The following ZNF626 variants were observed in gnomAD, a reference collection of about 807,000 sequenced individuals.
The protein encoded by ZNF626 is CTC-513N18.7.
Under a neutral mutation model 11.7 loss-of-function variants are expected in ZNF626, and 4 were observed. That is an observed-to-expected ratio of 0.34 (90% CI 0.17 to 0.78). ZNF626 has a LOEUF of 0.78. Among genes scored for constraint, ZNF626 ranks in the 30% least tolerant of loss-of-function variants. The pLI is 0.57. For missense variants in ZNF626, 588 were observed against 587.1 expected, an observed-to-expected ratio of 1.00 and a Z score of -0.01; for synonymous variants, 179 against 198.6, an observed-to-expected ratio of 0.90 and a Z score of 0.83.
chr19:20,633,706 A>T (rs1382869034), intron 3 of ZNF626, among the ~76,000 whole-genome samples: 1 of 152,146 alleles, frequency 6.6e-6, no homozygotes, highest in African/African-American at 2.4e-5. Context: ...TTCTTTGACT[A>T]GGAAAGGGAA....
chr19:20,657,004 A>G (rs1406408955), intron 1 of ZNF626, among the ~76,000 whole-genome samples: 2 of 152,250 alleles, frequency 1.3e-5, no homozygotes, highest in African/African-American at 2.4e-5. Flanking sequence ...ATGCATGTTC[A>G]TTGCAGCACT....
At chr19:20,639,258 T>C (rs1220392621) in intron 3 of ZNF626, among the ~76,000 whole-genome samples, 4 of 152,046 alleles carry the variant, frequency 2.6e-5, no homozygotes, top group African/African-American at 9.6e-5. Context: ...CACCAGGTCC[T>C]ACATCCAACA....
chr19:20,659,800 G>GTC (rs1970244347), intron 1 of ZNF626, among the ~76,000 whole-genome samples: 1 of 151,768 alleles, frequency 6.6e-6, no homozygotes, highest in African/African-American at 2.4e-5. Context: ...TTCATTACCA[G>GTC]TAAGACCCTC....
At chr19:20,640,336 T>C (rs901751586) in intron 3 of ZNF626, among the ~76,000 whole-genome samples, 5 of 116,988 alleles carry the variant, frequency 4.3e-5, no homozygotes, top group Admixed American at 2.5e-4. Flanking sequence ...GAAAAAGACA[T>C]GACACTGGTT....
At position 20,625,439 on chromosome 19, in the gene ZNF626, T is replaced by G. The variant is rs782015259; in HGVS notation, c.438A>C (p.Gln146His). Residue 146 changes from glutamine to histidine, a missense_variant, in exon 4 of 4, where the codon CAA (glutamine) becomes CAC (histidine). Coordinates refer to ENST00000601440, the MANE Select transcript of ZNF626 (RefSeq NM_001076675.3). ...CLTTTPRKICQCDKYVKVLHQ... is the reference protein window; with the variant it reads ...CLTTTPRKICHCDKYVKVLHQ... ...GAAGGACTTTCACATATTTATCACATTGACATATTTTTCTTGGGGTAGTTG... is the reference window on the plus strand; with the variant it reads ...GAAGGACTTTCACATATTTATCACAGTGACATATTTTTCTTGGGGTAGTTG... 1.9e-6 allele frequency: 3 copies of G among 1,614,000 alleles called. No homozygotes were observed. Among genetic ancestry groups the G allele is most frequent in the Non-Finnish European group, 2.5e-6 (3 of 1,180,004 alleles).
intron 1 of ZNF626, among the ~76,000 whole-genome samples, chr19:20,656,075 T>C (rs1308893001): frequency 6.6e-6 from 1 of 152,086 alleles, no homozygotes; most frequent in Admixed American, 6.6e-5. Flanking sequence ...GAGAGAAAGA[T>C]ATATGAAATC....
intron 3 of ZNF626, among the ~76,000 whole-genome samples, chr19:20,635,618 GC>G (rs1969957870): frequency 6.6e-6 from 1 of 152,100 alleles, no homozygotes; most frequent in Non-Finnish European, 1.5e-5. Context: ...ACCGCGCCCA[GC>G]CTAGAAAATT....
chr19:20,629,819 A>C (rs1969882668), intron 3 of ZNF626, among the ~76,000 whole-genome samples: 4 of 152,118 alleles, frequency 2.6e-5, no homozygotes, highest in South Asian at 4.2e-4. Context: ...CACTATGTTG[A>C]ATAGGAGTGG....
chr19:20,627,132 A>T (rs568516686), intron 3 of ZNF626, among the ~76,000 whole-genome samples: 1 of 152,092 alleles, frequency 6.6e-6, no homozygotes, highest in African/African-American at 2.4e-5. Context: ...AAAAACAAAA[A>T]TTGTGGATAT....
chr19:20,623,852 A>G lies in ZNF626; in HGVS notation c.*438T>C. 1 of 316,652 alleles carries G rather than the reference A, an allele frequency of 3.2e-6. No homozygotes were observed. The allele number at this position is 316,652 out of a possible 1,614,324, so 19.6% of individuals were successfully genotyped here. On this transcript the variant is annotated 3_prime_UTR_variant, in exon 4 of 4. Transcript: ENST00000601440. ...TGTTATATGCTTTGCCACATTCTTCACACTTGTAGGGTTTCTTTCCAGTAT... is the reference window on the plus strand; with the variant it reads ...TGTTATATGCTTTGCCACATTCTTCGCACTTGTAGGGTTTCTTTCCAGTAT...
chr19:20,642,893 C>A (rs1970038244), intron 3 of ZNF626, among the ~76,000 whole-genome samples: 1 of 151,956 alleles, frequency 6.6e-6, no homozygotes, highest in Admixed American at 6.6e-5. Flanking sequence ...TGCCTGTAAT[C>A]CCAGCTACTT....
chr19:20,659,217 G>A (rs1970237489), intron 1 of ZNF626, among the ~76,000 whole-genome samples: 1 of 152,054 alleles, frequency 6.6e-6, no homozygotes, highest in Non-Finnish European at 1.5e-5. Flanking sequence ...AAGAAATTCA[G>A]CTGAATTTGT....
At chr19:20,636,123 A>C (rs1969962844) in intron 3 of ZNF626, among the ~76,000 whole-genome samples, 1 of 152,170 alleles carries the variant, frequency 6.6e-6, no homozygotes, top group Non-Finnish European at 1.5e-5. Context: ...CAAGAGTGAA[A>C]TTCCCTCTCA....
At chr19:20,647,406 GA>G (rs1248730643) in intron 1 of ZNF626, among the ~76,000 whole-genome samples, 27 of 149,702 alleles carry the variant, frequency 1.8e-4, no homozygotes, top group African/African-American at 4.6e-4. Context: ...ACTCTATAGT[GA>G]AAAAAATATG....
chr19:20,630,082 T>C (rs1171674410), intron 3 of ZNF626, among the ~76,000 whole-genome samples: 3 of 152,200 alleles, frequency 2.0e-5, no homozygotes, highest in African/African-American at 7.2e-5. Flanking sequence ...GGAGTATGTT[T>C]ATTGATTTGC....
At chr19:20,648,207 T>C (rs1970104921) in intron 1 of ZNF626, among the ~76,000 whole-genome samples, 1 of 151,198 alleles carries the variant, frequency 6.6e-6, no homozygotes, top group Non-Finnish European at 1.5e-5. Context: ...ATCAGTTGTA[T>C]ACAAACTTTA....
At chr19:20,626,958 T>C (rs782097192) in intron 3 of ZNF626, among the ~76,000 whole-genome samples, 19 of 152,076 alleles carry the variant, frequency 1.2e-4, no homozygotes, top group Admixed American at 2.6e-4. Flanking sequence ...GAGGTAGCTA[T>C]GAGCTGAGAT....
At chr19:20,631,885 A>C (rs532906361) in intron 3 of ZNF626, among the ~76,000 whole-genome samples, 34 of 151,830 alleles carry the variant, frequency 2.2e-4, no homozygotes, top group African/African-American at 8.0e-4. Context: ...TCCTAGTCTC[A>C]ATGGTCTTTA....
At chr19:20,628,843 A>G (rs1417925100) in intron 3 of ZNF626, among the ~76,000 whole-genome samples, 1 of 152,218 alleles carries the variant, frequency 6.6e-6, no homozygotes, top group Non-Finnish European at 1.5e-5. Flanking sequence ...TGTTTTAGAC[A>G]TGAAGCCCTT....
Sources: gnomAD v4.1 joint callset for allele counts (sites outside exome capture counted in the v4.1 genomes callset) on GRCh38, gnomAD v4.1.1 for gene constraint, MANE v1.5 for transcripts, NCBI Gene and HGNC (gene_info 2026-07-23, HGNC 2026-07-21) for gene names.